Variants in DOK7 observed in about 807,000 individuals in gnomAD.
DOK7 encodes protein Dok-7.
A neutral mutation model predicts 30.7 loss-of-function variants in DOK7; 32 were observed. That is an observed-to-expected ratio of 1.04 (90% CI 0.79 to 1.40). The LOEUF is 1.40. Ranked by LOEUF, DOK7 falls within the 40% of genes most tolerant of loss-of-function variation. The probability of loss-of-function intolerance (pLI) is 0.00; values close to 1 mark genes in which losing one functional copy is unlikely to be tolerated. For synonymous variants in DOK7, 447 were observed against 324.1 expected (o/e 1.38, Z -4.07); for missense variants, 1,007 against 699.2 (o/e 1.44, Z -4.97).
At position 3,485,570 on chromosome 4, in the gene DOK7, G is replaced by T. The variant is rs375631042; in HGVS notation, c.564G>T (p.Glu188Asp). The T allele has an allele frequency of 7.5e-6, 12 of 1,607,044 alleles. No homozygotes were observed. Among genetic ancestry groups the T allele is most frequent in the Non-Finnish European group, 9.4e-6 (11 of 1,176,470 alleles). The change falls in exon 5 of 7, where the codon GAG (glutamate) becomes GAT (aspartate). Residue 188 changes from glutamate to aspartate, a missense_variant. Coordinates refer to ENST00000340083, the MANE Select transcript of DOK7 (RefSeq NM_173660.5). Reference protein sequence around the residue: ...WAGVFFLSSAEGEQISFLFDC... With the variant: ...WAGVFFLSSADGEQISFLFDC... ...GCGTCTTCTTCCTGTCCTCGGCCGA[G>T]GGGGAGCAGATCAGCTTCCTGTTCG...
chr4:3,471,567 G>A (rs750292770), intron 2 of DOK7, among the ~76,000 whole-genome samples: 9 of 152,250 alleles, frequency 5.9e-5, no homozygotes, highest in Admixed American at 2.0e-4. Flanking sequence ...CGGCTCAAGC[G>A]GCCCTGGGGC....
At chr4:3,495,172 T>C (rs1211310016), downstream of DOK7, among the ~76,000 whole-genome samples, 1 of 152,216 alleles carries the variant, frequency 6.6e-6, no homozygotes, top group Non-Finnish European at 1.5e-5. Context: ...TGGGCTGCAC[T>C]GAGGGTCTGA....
At position 3,493,248 on chromosome 4, in the gene DOK7, C is replaced by A. The variant is rs373261147; in HGVS notation, c.1262C>A (p.Pro421His). 88 of 1,611,954 alleles carry A rather than the reference C, an allele frequency of 5.5e-5. No homozygotes were observed. The highest frequency in any genetic ancestry group is 1.3e-4 in the Admixed American group (8 of 59,976). ...LCLAPRDHSP[P>H]SQGSPGNSAA... Reference sequence around the variant, plus strand: ...CTGGCTCCTAGAGACCACAGCCCCCCCTCACAGGGCAGCCCCGGCAACAGT... The same window carrying A: ...CTGGCTCCTAGAGACCACAGCCCCCACTCACAGGGCAGCCCCGGCAACAGT... Residue 421 changes from proline to histidine, a missense_variant, in exon 7 of 7, where the codon CCC (proline) becomes CAC (histidine). Pro to His is a moderately conservative substitution (Grantham distance 77). Coordinates refer to ENST00000340083, the MANE Select transcript of DOK7 (RefSeq NM_173660.5).
At chr4:3,469,697 G>A (rs1344517082) in intron 2 of DOK7, among the ~76,000 whole-genome samples, 1 of 152,170 alleles carries the variant, frequency 6.6e-6, no homozygotes, top group Middle Eastern at 3.2e-3. Context: ...CTGGTGTCCC[G>A]GCCTTGACCT....
At chr4:3,489,474 G>A (rs961090803) in intron 5 of DOK7, among the ~76,000 whole-genome samples, 13 of 152,194 alleles carry the variant, frequency 8.5e-5, no homozygotes, top group South Asian at 2.1e-4. Flanking sequence ...CCAGCTGGGC[G>A]CATGGTGGCC....
intron 7 of DOK7, chr4:3,500,643 G>A (rs1055069708): frequency 1.3e-6 from 2 of 1,535,458 alleles, no homozygotes; most frequent in South Asian, 1.2e-5. Context: ...GGGTCACAGG[G>A]CTGGGTGGCT....
In DOK7 at chr4:3,493,292, GGCCAGACGTCC is replaced by G. The variant is rs749671160; in HGVS notation, c.1310_1320del (p.Gln437ArgfsTer78). On this transcript the variant is annotated frameshift_variant, in exon 7 of 7. Transcript: ENST00000340083. LOFTEE classifies it low-confidence loss of function (END_TRUNC). ...CAACAGTGCGGCCAGGGACTCAGGCGGCCAGACGTCCGCCGGGTGTCCCTCTGGCTGGCTGG... is the reference window on the plus strand; with the variant it reads ...CAACAGTGCGGCCAGGGACTCAGGCGGCCGGGTGTCCCTCTGGCTGGCTGG... 2 of 1,608,394 alleles carry G rather than the reference GGCCAGACGTCC, an allele frequency of 1.2e-6. No homozygotes were observed. The highest frequency in any genetic ancestry group is 1.3e-5 in the African/African-American group (1 of 74,840).
intron 6 of DOK7, among the ~76,000 whole-genome samples, chr4:3,491,016 C>T (rs1411764403): frequency 1.0e-5 from 1 of 99,550 alleles, no homozygotes. Context: ...TCTTCCTGCT[C>T]ATTCATTCCT....
chr4:3,493,464 C>T lies in DOK7; in HGVS notation c.1478C>T (p.Pro493Leu), dbSNP rs773679215. The T allele has an allele frequency of 3.7e-6, 6 of 1,610,658 alleles. No individual in the cohort carries two copies. The African/African-American group carries it at 4.0e-5, about 11-fold the overall frequency. The change falls in exon 7 of 7, where the codon CCA becomes CTA. Residue 493 changes from proline (P) to leucine (L), a missense_variant. By Grantham distance (98) the Pro-to-Leu change is moderately conservative (BLOSUM62 -3). Coordinates refer to ENST00000340083, the MANE Select transcript of DOK7 (RefSeq NM_173660.5). ...CCCCCGGCTTTCTTTTCGGCATGTC[C>T]AGTCTGTGGAGGACTCAAGGTAAAC... ...GPPPAFFSAC[P>L]VCGGLKVNPP... is the part of the protein sequence containing the mutation.
chr4:3,473,440 G>A lies in DOK7; in HGVS notation c.135G>A (p.Ser45=), dbSNP rs1336271146. 6 of 1,611,064 alleles carry A rather than the reference G, an allele frequency of 3.7e-6. No individual in the cohort carries two copies. In the East Asian group the frequency reaches 6.7e-5, roughly 18 times the overall value. Residue 45 remains serine, a synonymous_variant, in exon 3 of 7, where the codon TCG becomes TCA. Coordinates refer to ENST00000340083, the MANE Select transcript of DOK7 (RefSeq NM_173660.5). ...CLLMLVYKDK[S]ERIKGLRERS... ...TGATGCTGGTCTACAAGGACAAGTC[G>A]GAGCGTATCAAGGGCCTGCGGGAGC...
At chr4:3,466,293 G>A (rs1219710069) in intron 2 of DOK7, among the ~76,000 whole-genome samples, 1 of 152,138 alleles carries the variant, frequency 6.6e-6, no homozygotes, top group Non-Finnish European at 1.5e-5. Flanking sequence ...TGCTCTCGGT[G>A]GGACTGAGCC....
chr4:3,476,663 G>C, intron 4 of DOK7, 121 bp downstream of exon 4: 1 of 1,292,634 alleles, frequency 7.7e-7, no homozygotes, highest in Non-Finnish European at 1.1e-6. Context: ...TCCAGAATGC[G>C]CCGGCAGGTG....
At chr4:3,465,756 C>A (rs974828985) in intron 2 of DOK7, among the ~76,000 whole-genome samples, 5 of 152,234 alleles carry the variant, frequency 3.3e-5, no homozygotes, top group African/African-American at 4.8e-5. Context: ...GCAGTGGGAC[C>A]ACGTTCCTCA....
chr4:3,497,655 C>T (rs1319207158), downstream of DOK7, among the ~76,000 whole-genome samples: 6 of 151,936 alleles, frequency 3.9e-5, no homozygotes, highest in African/African-American at 1.4e-4. Flanking sequence ...CAGGTGGCAC[C>T]TACAGGGGGG....
At chr4:3,489,411 C>T (rs185619969) in intron 5 of DOK7, among the ~76,000 whole-genome samples, 55 of 152,222 alleles carry the variant, frequency 3.6e-4, no homozygotes, top group African/African-American at 6.5e-4. Context: ...GTCTGGCCGG[C>T]GTGGGGTCCT....
exon 8 of DOK7, chr4:3,501,029 G>T (rs1257275615): frequency 5.0e-6 from 4 of 792,838 alleles, no homozygotes; most frequent in Non-Finnish European, 7.6e-6. Context: ...AGGTGTCCGG[G>T]GCTGACCCTT....
At chr4:3,468,312 G>A (rs1726444159) in intron 2 of DOK7, among the ~76,000 whole-genome samples, 1 of 144,582 alleles carries the variant, frequency 6.9e-6, no homozygotes, top group African/African-American at 2.6e-5. Flanking sequence ...ACATGCGTGT[G>A]AATACCTGTG....
In DOK7 at chr4:3,494,440, G is replaced by A. The variant is rs1458676248; in HGVS notation, c.*939G>A. ...TCACTGTCAGCTGTTTCTAAACCCA[G>A]ACACTGTTTGTAATAGACTGGAAAT... On this transcript the variant is annotated 3_prime_UTR_variant, in exon 7 of 7. Coordinates refer to ENST00000340083, the MANE Select transcript of DOK7 (RefSeq NM_173660.5). 2.0e-6 allele frequency: 2 copies of A among 985,382 alleles called. No homozygotes were observed. The highest frequency in any genetic ancestry group is 2.4e-6 in the Non-Finnish European group (2 of 830,064). The allele number at this position is 985,382 out of a possible 1,614,324, so 61.0% of individuals were successfully genotyped here.
chr4:3,491,224 C>T (rs1222406238), intron 6 of DOK7, among the ~76,000 whole-genome samples: 1 of 102,006 alleles, frequency 9.8e-6, no homozygotes, highest in African/African-American at 4.1e-5. Context: ...TTCCTTCCTT[C>T]TCCCGCTGCT....
Sources: gnomAD v4.1 joint callset for allele counts (sites outside exome capture counted in the v4.1 genomes callset) on GRCh38, gnomAD v4.1.1 for gene constraint, MANE v1.5 for transcripts, NCBI Gene and HGNC (gene_info 2026-07-23, HGNC 2026-07-21) for gene names.